The following SLC5A2 variants were observed in gnomAD, a reference collection of about 807,000 sequenced individuals.
SLC5A2 encodes the protein sodium/glucose cotransporter 2.
SLC5A2 carries 67 observed loss-of-function variants against 69.0 expected under a neutral mutation model. That is an observed-to-expected ratio of 0.97 (90% CI 0.80 to 1.19). The LOEUF (loss-of-function observed/expected upper bound fraction) is 1.19, where lower values mean the gene tolerates loss of function less well. Ranked by LOEUF, SLC5A2 falls within the 50% of genes most tolerant of loss-of-function variation. SLC5A2 has a pLI of 0.00. For synonymous variants in SLC5A2, 455 were observed against 395.8 expected, an observed-to-expected ratio of 1.15 and a Z score of -1.78; for missense variants, 1,001 against 921.5, an observed-to-expected ratio of 1.09 and a Z score of -1.12.
intron 12 of SLC5A2, chr16:31,489,723 A>G: frequency 2.2e-6 from 1 of 446,888 alleles, no homozygotes; most frequent in East Asian, 4.8e-5. Flanking sequence ...AGGACAGGAC[A>G]AGAGATCTGG....
chr16:31,490,039 G>T, intron 12 of SLC5A2, 65 bp from the exon 13 acceptor site: 1 of 1,608,008 alleles, frequency 6.2e-7, no homozygotes, highest in Non-Finnish European at 8.5e-7. Flanking sequence ...TGGTGTGCAA[G>T]AGACTTTAGG....
At position 31,486,233 on chromosome 16, in the gene SLC5A2, G is replaced by A. The variant is rs755189100; in HGVS notation, c.532G>A (p.Val178Ile). The A allele has an allele frequency of 1.5e-5, 24 of 1,613,842 alleles. No homozygotes were observed. The highest frequency in any genetic ancestry group is 8.3e-5 in the Admixed American group (5 of 59,996). The part of the protein sequence containing the change: ...QALGWNIYAS[V>I]IALLGITMIY... ...TCTGGGCTGGAACATCTATGCCTCCGTCATCGCGCTTCTGGGCATCACCAT... is the reference window on the plus strand; with the variant it reads ...TCTGGGCTGGAACATCTATGCCTCCATCATCGCGCTTCTGGGCATCACCAT... Residue 178 changes from valine (V) to isoleucine (I), a missense_variant, in exon 5 of 14, where the codon GTC (valine) becomes ATC (isoleucine). Coordinates refer to ENST00000330498, the MANE Select transcript of SLC5A2 (RefSeq NM_003041.4).
Position 31,488,917 on chromosome 16 carries a change from T to G in SLC5A2, c.1318T>G (p.Trp440Gly), listed in dbSNP as rs1390932653. Residue 440 changes from tryptophan to glycine, a missense_variant, in exon 11 of 14, where the codon TGG (tryptophan) becomes GGG (glycine). Physicochemically the swap from Trp to Gly is radical, Grantham distance 184 (BLOSUM62 -2). Transcript: ENST00000330498. The part of the protein sequence containing the change: ...VVFIVVVSVA[W>G]LPVVQAAQGG... ...GTTCATCGTGGTAGTGTCGGTGGCCTGGCTTCCCGTGGTGCAGGCGGCACA... is the reference window on the plus strand; with the variant it reads ...GTTCATCGTGGTAGTGTCGGTGGCCGGGCTTCCCGTGGTGCAGGCGGCACA... The G allele has an allele frequency of 6.2e-7, 1 of 1,605,094 alleles. No individual in the cohort carries two copies. Among genetic ancestry groups the G allele is most frequent in the Non-Finnish European group, 8.5e-7 (1 of 1,179,864 alleles).
At chr16:31,487,902 G>A (rs921265988) in intron 7 of SLC5A2, 136 bp from the exon 8 acceptor site, 4 of 1,439,638 alleles carry the variant, frequency 2.8e-6, no homozygotes, top group Non-Finnish European at 3.8e-6. Flanking sequence ...AAACCAGACA[G>A]AAGGCTCCAT....
In SLC5A2 at chr16:31,484,854, T is replaced by C. The variant is rs144935704; in HGVS notation, c.234T>C (p.Ser78=). 9.5e-4 allele frequency: 1,533 copies of C among 1,614,092 alleles called. 15 individuals are homozygous for C. The African/African-American group carries it at 0.018, about 19-fold the overall frequency. ...CTCTCTTCGCCAGCAACATCGGCAGTGGCCACTTTGTGGGCCTGGCAGGGA... is the reference window on the plus strand; with the variant it reads ...CTCTCTTCGCCAGCAACATCGGCAGCGGCCACTTTGTGGGCCTGGCAGGGA... The part of the protein sequence containing the change: ...GASLFASNIG[S]GHFVGLAGTG... The change falls in exon 3 of 14, where the codon AGT becomes AGC. Residue 78 remains serine (S), a synonymous_variant. Coordinates refer to ENST00000330498, the MANE Select transcript of SLC5A2 (RefSeq NM_003041.4).
chr16:31,489,034 C>T lies in SLC5A2; in HGVS notation c.1435C>T (p.Arg479Cys). ...CTTCGTGCTGGCGCTCTTCGTGCCG[C>T]GCGTTAATGAGCAGGTGAGCGGCAC... Reference protein sequence around the residue: ...AVFVLALFVPRVNEQGAFWGL... With the variant: ...AVFVLALFVPCVNEQGAFWGL... Residue 479 changes from arginine to cysteine, a missense_variant, in exon 11 of 14, where the codon CGC (arginine) becomes TGC (cysteine). Coordinates refer to ENST00000330498, the MANE Select transcript of SLC5A2 (RefSeq NM_003041.4). 2 of 1,600,922 alleles carry T rather than the reference C, an allele frequency of 1.2e-6. No individual in the cohort carries two copies. Among genetic ancestry groups the T allele is most frequent in the Non-Finnish European group, 1.7e-6 (2 of 1,179,846 alleles).
In SLC5A2 at chr16:31,490,558, A is replaced by G. The variant is rs1449872209; in HGVS notation, c.*23A>G. On this transcript the variant is annotated 3_prime_UTR_variant, in exon 14 of 14. Coordinates refer to ENST00000330498, the MANE Select transcript of SLC5A2 (RefSeq NM_003041.4). ...TAAGACCAACTGCGTTGGACACCAT[A>G]AGCCACAGCCTCACAGGAAGTGGGG... 7.0e-6 allele frequency: 11 copies of G among 1,572,958 alleles called. No individual in the cohort carries two copies. The Admixed American group carries it at 1.9e-4, about 28-fold the overall frequency.
rs1388405809 is a variant in SLC5A2, at chr16:31,488,497, G to A, written c.1129+7G>A. 2 of 1,605,092 alleles carry A rather than the reference G, an allele frequency of 1.2e-6. No individual in the cohort carries two copies. The highest frequency in any genetic ancestry group is 1.7e-6 in the Non-Finnish European group (2 of 1,177,234). ...GTGAAGCTCATGCCCAACGGTAAGG[G>A]CAGCCCCGGGCCACAGGCGCAAGCT... On this transcript the variant is annotated splice_region_variant and intron_variant, in intron 9 of 13. Coordinates refer to ENST00000330498, the MANE Select transcript of SLC5A2 (RefSeq NM_003041.4).
At chr16:31,484,570 C>G in intron 1 of SLC5A2, 103 bp from the exon 2 acceptor site, 1 of 1,305,204 alleles carries the variant, frequency 7.7e-7, no homozygotes, top group East Asian at 2.3e-5. Flanking sequence ...AAACTTGGCT[C>G]GTTAATCTTC....
Position 31,488,371 on chromosome 16 carries a change from T to C in SLC5A2, c.1022-12T>C. ...GCCCCGTCCTAACGGCGCGGTGGCC[T>C]CTCTCTGGCAGACGAGGTGGCGTGC... On this transcript the variant is annotated splice_polypyrimidine_tract_variant and intron_variant, in intron 8 of 13. Transcript: ENST00000330498. 4.3e-6 allele frequency: 7 copies of C among 1,610,558 alleles called. No homozygotes were observed. Among genetic ancestry groups the C allele is most frequent in the Non-Finnish European group, 5.9e-6 (7 of 1,179,624 alleles).
chr16:31,488,686 C>T lies in SLC5A2; in HGVS notation c.1194C>T (p.Phe398=). The T allele has an allele frequency of 6.2e-7, 1 of 1,612,804 alleles. No individual in the cohort carries two copies. Among genetic ancestry groups the T allele is most frequent in the Non-Finnish European group, 8.5e-7 (1 of 1,179,604 alleles). The change falls in exon 10 of 14, where the codon TTC becomes TTT. Residue 398 remains phenylalanine (F), a synonymous_variant. Transcript: ENST00000330498. Reference sequence around the variant, plus strand: ...TCATGTCCTCGCTGGCCTCCATCTTCAACAGCAGCAGCACGCTCTTCACCA... The same window carrying T: ...TCATGTCCTCGCTGGCCTCCATCTTTAACAGCAGCAGCACGCTCTTCACCA... ...AALMSSLASI[F]NSSSTLFTMD...
chr16:31,490,030 G>A, intron 12 of SLC5A2, 74 bp from the exon 13 acceptor site: 4 of 1,598,264 alleles, frequency 2.5e-6, no homozygotes, highest in Non-Finnish European at 3.4e-6. Context: ...GTGACGAGCT[G>A]GTGTGCAAGA....
rs752971008 is a variant in SLC5A2, at chr16:31,487,372, G to C, written c.627G>C (p.Leu209=). The part of the protein sequence containing the change: ...YTDTVQTFVI[L]GGACILMGYA... ...ACACGGTACAGACCTTCGTCATTCT[G>C]GGGGGCGCCTGCATCCTCATGGGTT... The change falls in exon 6 of 14, where the codon CTG becomes CTC. Residue 209 remains leucine (L), a synonymous_variant. Transcript: ENST00000330498. 5 of 1,613,754 alleles carry C rather than the reference G, an allele frequency of 3.1e-6. No individual in the cohort carries two copies. In the African/African-American group the frequency reaches 5.3e-5, roughly 17 times the overall value.
Position 31,488,164 on chromosome 16 carries a change from C to G in SLC5A2, c.1012C>G (p.Leu338Val), listed in dbSNP as rs2142627399. 6.2e-7 allele frequency: 1 copy of G among 1,614,070 alleles called. No homozygotes were observed. The highest frequency in any genetic ancestry group is 1.6e-4 in the Middle Eastern group (1 of 6,062). Reference sequence around the variant, plus strand: ...CATGCCAGGCATGATCAGCCGCATTCTGTACCCAGGTAACATCCCTGCCCC... The same window carrying G: ...CATGCCAGGCATGATCAGCCGCATTGTGTACCCAGGTAACATCCCTGCCCC... ...MVMPGMISRI[L>V]YPDEVACVVP... Residue 338 changes from leucine to valine, a missense_variant, in exon 8 of 14, where the codon CTG becomes GTG. Transcript: ENST00000330498.
intron 3 of SLC5A2, 143 bp from the exon 4 acceptor site, chr16:31,485,585 CG>C: frequency 1.0e-6 from 1 of 964,698 alleles, no homozygotes; most frequent in Non-Finnish European, 1.6e-6. Flanking sequence ...CCCAGGGCCC[CG>C]GGGCCATCAC....
At position 31,490,437 on chromosome 16, in the gene SLC5A2, G is replaced by A. The variant is rs149843540; in HGVS notation, c.1921G>A (p.Glu641Lys). 27 of 1,613,774 alleles carry A rather than the reference G, an allele frequency of 1.7e-5. No homozygotes were observed. Among genetic ancestry groups the A allele is most frequent in the African/African-American group, 5.3e-5 (4 of 74,944 alleles). The stretch of plus-strand genomic sequence containing the variant: ...GGCAGCGGCAGCAGCCAGGCGGCTG[G>A]AGGACATCAGCGAGGACCCGAGCTG... ...EEAAAAARRLEDISEDPSWAR... is the reference protein window; with the variant it reads ...EEAAAAARRLKDISEDPSWAR... Residue 641 changes from glutamate (E) to lysine (K), a missense_variant, in exon 14 of 14, where the codon GAG becomes AAG. By Grantham distance (56) the Glu-to-Lys change is moderately conservative. Coordinates refer to ENST00000330498, the MANE Select transcript of SLC5A2 (RefSeq NM_003041.4).
In SLC5A2 at chr16:31,488,138, T is replaced by C; in HGVS notation, c.986T>C (p.Val329Ala). The change falls in exon 8 of 14, where the codon GTC becomes GCC. Residue 329 changes from valine (V) to alanine (A), a missense_variant. By Grantham distance (64) the Val-to-Ala change is moderately conservative. Coordinates refer to ENST00000330498, the MANE Select transcript of SLC5A2 (RefSeq NM_003041.4). ...AAGCTGACGCCCATGTTTCTCATGG[T>C]CATGCCAGGCATGATCAGCCGCATT... ...YLKLTPMFLM[V>A]MPGMISRILY... The C allele has an allele frequency of 6.2e-7, 1 of 1,614,078 alleles. No individual in the cohort carries two copies. Among genetic ancestry groups the C allele is most frequent in the Non-Finnish European group, 8.5e-7 (1 of 1,179,978 alleles).
At chr16:31,489,501 TAC>T in intron 12 of SLC5A2, 163 bp downstream of exon 12, 1 of 685,678 alleles carries the variant, frequency 1.5e-6, no homozygotes, top group East Asian at 2.7e-5. Context: ...TTTATTTAAA[TAC>T]ATTTATTTGA....
rs780302407 is a variant in SLC5A2, at chr16:31,488,782, G to T, written c.1280+10G>T. 1.9e-6 allele frequency: 3 copies of T among 1,599,860 alleles called. No individual in the cohort carries two copies. The highest frequency in any genetic ancestry group is 3.4e-5 in the Admixed American group (2 of 59,360). On this transcript the variant is annotated intron_variant, in intron 10 of 13. Transcript: ENST00000330498. ...TGCTGCTGGTGGGACGGTGCGGCCT[G>T]GGCTCCCCTCCTCCCCAACGGATCA... is the stretch of plus-strand genomic sequence containing the variant.
Sources: gnomAD v4.1 joint callset for allele counts on GRCh38, gnomAD v4.1.1 for gene constraint, MANE v1.5 for transcripts, NCBI Gene and HGNC (gene_info 2026-07-23, HGNC 2026-07-21) for gene names.